Variants in CDK14 observed in about 807,000 individuals in gnomAD.
The protein encoded by CDK14 is cyclin dependent kinase 14.
CDK14 carries 34 observed loss-of-function variants against 60.7 expected under a neutral mutation model. The ratio of observed to expected loss-of-function variants is 0.56; its 90% CI spans 0.43 to 0.75. CDK14 has a LOEUF of 0.75. Among genes scored for constraint, CDK14 ranks in the 30% least tolerant of loss-of-function variants. CDK14 has a pLI of 0.00. For missense variants in CDK14, 482 were observed against 564.1 expected, an observed-to-expected ratio of 0.85 and a Z score of 1.47; for synonymous variants, 197 against 203.7, an observed-to-expected ratio of 0.97 and a Z score of 0.28.
chr7:91,194,807 G>A (rs1471205142), intron 14 of CDK14, among the ~76,000 whole-genome samples: 1 of 152,172 alleles, frequency 6.6e-6, no homozygotes, highest in Non-Finnish European at 1.5e-5. Context: ...CACTGTGTGG[G>A]AGATTCTGGT....
At chr7:90,908,206 C>T (rs558691193) in intron 7 of CDK14, among the ~76,000 whole-genome samples, 30 of 152,046 alleles carry the variant, frequency 2.0e-4, no homozygotes, top group Non-Finnish European at 3.1e-4. Flanking sequence ...TGAAGTTCCA[C>T]GTGTCAGCTC....
At chr7:91,055,759 A>G (rs1278639418) in intron 11 of CDK14, among the ~76,000 whole-genome samples, 1 of 152,218 alleles carries the variant, frequency 6.6e-6, no homozygotes, top group East Asian at 1.9e-4. Context: ...CATATTGAAG[A>G]AAAGAATTTA....
At chr7:91,186,822 C>T (rs1029778976) in intron 14 of CDK14, among the ~76,000 whole-genome samples, 2 of 152,038 alleles carry the variant, frequency 1.3e-5, no homozygotes, top group African/African-American at 2.4e-5. Flanking sequence ...GGGCTGTTGC[C>T]GACCCTATAA....
chr7:91,120,040 A>G (rs1436328320), intron 14 of CDK14, among the ~76,000 whole-genome samples: 2 of 152,218 alleles, frequency 1.3e-5, no homozygotes, highest in African/African-American at 4.8e-5. Flanking sequence ...TTTAACCTGC[A>G]TTATCATAAT....
chr7:91,143,949 G>T (rs1333905305), intron 14 of CDK14, among the ~76,000 whole-genome samples: 1 of 152,058 alleles, frequency 6.6e-6, no homozygotes, highest in Non-Finnish European at 1.5e-5. Flanking sequence ...CTAGAAAGAG[G>T]TCATGTTGTT....
intron 2 of CDK14, among the ~76,000 whole-genome samples, chr7:90,693,522 T>C (rs1256795311): frequency 6.6e-6 from 1 of 152,206 alleles, no homozygotes; most frequent in African/African-American, 2.4e-5. Flanking sequence ...CATGCACGGC[T>C]GTGTTGTTGG....
intron 6 of CDK14, among the ~76,000 whole-genome samples, chr7:90,880,695 C>T (rs577896913): frequency 2.0e-4 from 31 of 152,210 alleles, no homozygotes; most frequent in African/African-American, 7.2e-4. Flanking sequence ...CAGTTTGGTG[C>T]CCCTCTAAGA....
chr7:91,065,891 G>A (rs1439710643), intron 11 of CDK14, among the ~76,000 whole-genome samples: 1 of 152,166 alleles, frequency 6.6e-6, no homozygotes, highest in Non-Finnish European at 1.5e-5. Flanking sequence ...AATAATTAGG[G>A]TAACTGTTTG....
intron 2 of CDK14, among the ~76,000 whole-genome samples, chr7:90,715,465 C>A (rs932543684): frequency 6.6e-6 from 1 of 151,926 alleles, no homozygotes; most frequent in Non-Finnish European, 1.5e-5. Flanking sequence ...GTTTTTAAAT[C>A]AGAGTAGTTA....
At chr7:91,197,475 G>T (rs148195264) in intron 14 of CDK14, among the ~76,000 whole-genome samples, 1 of 151,570 alleles carries the variant, frequency 6.6e-6, no homozygotes, top group African/African-American at 2.4e-5. Flanking sequence ...CCTAGTTCCT[G>T]TAAAGGTTGT....
In CDK14 at chr7:90,596,457, C is replaced by A. The variant is rs541442180; in HGVS notation, c.-171C>A. On this transcript the variant is annotated 5_prime_UTR_variant, in exon 1 of 15. Transcript: ENST00000380050. ...CGGCCCAGGCCGGAGCGGAGCCTGCCGTCCTCCGCCTGCCTGCTGCTCGCC... is the reference window on the plus strand; with the variant it reads ...CGGCCCAGGCCGGAGCGGAGCCTGCAGTCCTCCGCCTGCCTGCTGCTCGCC... 1,478 of 527,772 alleles carry A rather than the reference C, an allele frequency of 2.8e-3. 5 individuals carry two copies. The highest frequency in any genetic ancestry group is 3.7e-3 in the Non-Finnish European group (1,097 of 299,742). The allele number at this position is 527,772 out of a possible 1,614,324, so 32.7% of individuals were successfully genotyped here.
At chr7:91,183,709 A>G (rs1475615484) in intron 14 of CDK14, among the ~76,000 whole-genome samples, 1 of 152,170 alleles carries the variant, frequency 6.6e-6, no homozygotes, top group Non-Finnish European at 1.5e-5. Context: ...TTCCACCTCA[A>G]GTCTAAGCTC....
chr7:90,866,816 G>T (rs962004974), intron 6 of CDK14, among the ~76,000 whole-genome samples: 1 of 152,162 alleles, frequency 6.6e-6, no homozygotes, highest in Non-Finnish European at 1.5e-5. Flanking sequence ...TCAAGGAAAT[G>T]ACTTTGAAGG....
rs376666562 is a variant in CDK14, at chr7:90,683,543, G to A, written c.124-43024G>A. 2.4e-4 allele frequency among the ~76,000 whole-genome samples: 37 copies of A among 152,348 alleles called. No individual in the cohort carries two copies. In the East Asian group the frequency reaches 2.5e-3, roughly 10 times the overall value. ...GGGCTGGGCACAGTGGCTCACACCT[G>A]TAATCCCAGCACTTTGGGAGGCCAA... On this transcript the variant is annotated intron_variant, in intron 2 of 14. Coordinates refer to ENST00000380050, the MANE Select transcript of CDK14 (RefSeq NM_001287135.2).
At chr7:90,896,144 T>G (rs949678547) in intron 6 of CDK14, among the ~76,000 whole-genome samples, 3 of 152,148 alleles carry the variant, frequency 2.0e-5, no homozygotes, top group African/African-American at 7.2e-5. Flanking sequence ...GTCATTTTTA[T>G]GTTAAAATAA....
chr7:90,819,593 CTT>C (rs1255288300), intron 5 of CDK14, among the ~76,000 whole-genome samples: 1 of 151,476 alleles, frequency 6.6e-6, no homozygotes, highest in Non-Finnish European at 1.5e-5. Flanking sequence ...AATTTGTAGT[CTT>C]TAAAGAAAAG....
At chr7:91,057,510 G>C (rs887506170) in intron 11 of CDK14, among the ~76,000 whole-genome samples, 1 of 151,918 alleles carries the variant, frequency 6.6e-6, no homozygotes, top group Admixed American at 6.5e-5. Context: ...TATTGCCTAG[G>C]TTTTCTTCTG....
intron 4 of CDK14, among the ~76,000 whole-genome samples, chr7:90,754,765 C>A (rs1282009758): frequency 6.6e-6 from 1 of 152,000 alleles, no homozygotes; most frequent in Non-Finnish European, 1.5e-5. Flanking sequence ...CACAATTTAA[C>A]GAGCAATAAC....
At chr7:90,856,826 A>T (rs1790833106) in intron 5 of CDK14, among the ~76,000 whole-genome samples, 1 of 152,136 alleles carries the variant, frequency 6.6e-6, no homozygotes. Context: ...AAAAAAGTTG[A>T]TGTTTGTTGT....
Sources: allele counts gnomAD v4.1 joint callset (sites outside exome capture counted in the v4.1 genomes callset), GRCh38; gene constraint gnomAD v4.1.1; transcripts MANE v1.5; gene names NCBI Gene and HGNC (gene_info 2026-07-23, HGNC 2026-07-21).